SLC35D4: variants seen among roughly 807,000 people sequenced by gnomAD.
SLC35D4 encodes the protein UDP-N-acetylglucosamine transporter SLC35D4.
At chr18:23,395,732 G>T in the SLC35D4 span, among the ~76,000 whole-genome samples, 2 of 152,182 alleles carry the variant, frequency 1.3e-5, no homozygotes, top group African/African-American at 4.8e-5. Flanking sequence ...GAAATTATAA[G>T]AAGAGTCATG....
chr18:23,274,083 C>T, the SLC35D4 span, among the ~76,000 whole-genome samples: 3 of 152,086 alleles, frequency 2.0e-5, no homozygotes, highest in Admixed American at 6.6e-5. Context: ...CACAGGTGCA[C>T]GCCACCACGC....
At chr18:23,358,356 G>T in the SLC35D4 span, among the ~76,000 whole-genome samples, 2 of 152,102 alleles carry the variant, frequency 1.3e-5, no homozygotes, top group African/African-American at 4.8e-5. Context: ...GACTCATGGC[G>T]CGTGGCAGCT....
chr18:23,387,762 A>C, the SLC35D4 span, among the ~76,000 whole-genome samples: 9 of 152,106 alleles, frequency 5.9e-5, no homozygotes, highest in Non-Finnish European at 1.3e-4. Context: ...TTTATCTTTC[A>C]TTAAAAGTTC....
At chr18:23,382,069 T>A in the SLC35D4 span, among the ~76,000 whole-genome samples, 1 of 151,674 alleles carries the variant, frequency 6.6e-6, no homozygotes, top group Admixed American at 6.6e-5. Flanking sequence ...GAAACCCCCA[T>A]CTCTACTAAA....
At chr18:23,364,419 G>A in the SLC35D4 span, among the ~76,000 whole-genome samples, 5 of 152,190 alleles carry the variant, frequency 3.3e-5, no homozygotes, top group Admixed American at 2.0e-4. Flanking sequence ...CACACTCCAC[G>A]AAGCCACAAG....
the SLC35D4 span, among the ~76,000 whole-genome samples, chr18:23,422,192 T>C: frequency 6.6e-6 from 1 of 152,162 alleles, no homozygotes; most frequent in Non-Finnish European, 1.5e-5. Context: ...ATGGATATAG[T>C]GAGTAATGGT....
chr18:23,411,552 A>AGAAG, the SLC35D4 span, among the ~76,000 whole-genome samples: 5 of 150,906 alleles, frequency 3.3e-5, 1 homozygote, highest in Admixed American at 1.3e-4. Context: ...AAAGAAAGAA[A>AGAAG]GGTGTGTGCT....
chr18:23,395,138 G>A, the SLC35D4 span, among the ~76,000 whole-genome samples: 114 of 152,276 alleles, frequency 7.5e-4, 2 homozygotes, highest in Admixed American at 2.5e-3. Context: ...CTGATCACCT[G>A]TGATGAAAAC....
chr18:23,290,630 CT>C, the SLC35D4 span, among the ~76,000 whole-genome samples: 97,161 of 137,912 alleles, frequency 0.7, 33,680 homozygotes, highest in Middle Eastern at 0.85. Flanking sequence ...CTCTGAAATT[CT>C]TTTTTTTTTT....
chr18:23,265,666 C>T, the SLC35D4 span, among the ~76,000 whole-genome samples: 2 of 152,040 alleles, frequency 1.3e-5, no homozygotes, highest in Middle Eastern at 3.2e-3. Flanking sequence ...CAACAGCTGC[C>T]GTGGCCCCAC....
At chr18:23,384,437 T>TA in the SLC35D4 span, among the ~76,000 whole-genome samples, 1 of 152,224 alleles carries the variant, frequency 6.6e-6, no homozygotes, top group African/African-American at 2.4e-5. Context: ...GCAGAGCACC[T>TA]ACTGCATGCA....
chr18:23,365,019 CTT>C, the SLC35D4 span, among the ~76,000 whole-genome samples: 1 of 144,066 alleles, frequency 6.9e-6, no homozygotes, highest in Non-Finnish European at 1.5e-5. Context: ...AAGAGGGTAA[CTT>C]AACAATATAT....
At chr18:23,319,915 G>T in the SLC35D4 span, among the ~76,000 whole-genome samples, 1 of 152,180 alleles carries the variant, frequency 6.6e-6, no homozygotes, top group Non-Finnish European at 1.5e-5. Flanking sequence ...TTGATTTTAA[G>T]ATTTTTAAAT....
chr18:23,391,214 C>T, the SLC35D4 span, among the ~76,000 whole-genome samples: 2 of 146,568 alleles, frequency 1.4e-5, no homozygotes, highest in African/African-American at 5.1e-5. Flanking sequence ...CAGAGCAAGA[C>T]TCTGAAAGAA....
At chr18:23,346,588 T>C in the SLC35D4 span, among the ~76,000 whole-genome samples, 1 of 152,064 alleles carries the variant, frequency 6.6e-6, no homozygotes, top group Non-Finnish European at 1.5e-5. Context: ...ATAGAAATGG[T>C]GAAAGTGGAC....
chr18:23,318,875 AC>A, the SLC35D4 span, among the ~76,000 whole-genome samples: 1,343 of 151,962 alleles, frequency 8.8e-3, 13 homozygotes, highest in African/African-American at 0.031. Context: ...GTGGAGTCTC[AC>A]TCTGTCACCC....
chr18:23,330,744 T>C, the SLC35D4 span, among the ~76,000 whole-genome samples: 1 of 152,198 alleles, frequency 6.6e-6, no homozygotes, highest in Non-Finnish European at 1.5e-5. Flanking sequence ...CTGTTCTCCA[T>C]TAGTCTCCAC....
the SLC35D4 span, among the ~76,000 whole-genome samples, chr18:23,424,377 A>C: frequency 6.6e-6 from 1 of 152,216 alleles, no homozygotes; most frequent in Admixed American, 6.5e-5. Flanking sequence ...GCATCTGCAG[A>C]ATACGTTACT....
chr18:23,313,730 A>G, the SLC35D4 span, among the ~76,000 whole-genome samples: 1 of 152,154 alleles, frequency 6.6e-6, no homozygotes, highest in South Asian at 2.1e-4. Context: ...GCCCCCAGGT[A>G]TTAGCACTGA....
Sources: allele counts gnomAD v4.1 joint callset (sites outside exome capture counted in the v4.1 genomes callset), GRCh38; gene constraint gnomAD v4.1.1; transcripts MANE v1.5; gene names NCBI Gene and HGNC (gene_info 2026-07-23, HGNC 2026-07-21).